NRXN3: variants seen among roughly 807,000 people sequenced by gnomAD.
NRXN3 encodes neurexin 3.
Under a neutral mutation model 137.6 loss-of-function variants are expected in NRXN3, and 32 were observed. The ratio of observed to expected loss-of-function variants is 0.23; its 90% CI spans 0.18 to 0.31. The LOEUF is 0.31. NRXN3 is among the 10% of genes least tolerant of loss of function. NRXN3 has a pLI of 1.00. For missense variants in NRXN3, 1,574 were observed against 2,062.5 expected (o/e 0.76, Z 4.59); for synonymous variants, 798 against 784.5 (o/e 1.02, Z -0.29).
intron 6 of NRXN3, among the ~76,000 whole-genome samples, chr14:78,663,359 A>T (rs1402111519): frequency 6.6e-6 from 1 of 152,214 alleles, no homozygotes; most frequent in Non-Finnish European, 1.5e-5. Flanking sequence ...AGATACAATT[A>T]CCTATTTCTT....
chr14:78,335,401 TA>T (rs2081343560), intron 4 of NRXN3, among the ~76,000 whole-genome samples: 1 of 152,194 alleles, frequency 6.6e-6, no homozygotes, highest in Admixed American at 6.5e-5. Flanking sequence ...TTTCTCAAGG[TA>T]GATTGTAAAA....
intron 4 of NRXN3, among the ~76,000 whole-genome samples, chr14:78,315,610 G>A (rs1222560911): frequency 6.6e-6 from 1 of 152,174 alleles, no homozygotes; most frequent in Admixed American, 6.5e-5. Flanking sequence ...GATTTTTGTT[G>A]TAGTTCTTGT....
intron 1 of NRXN3, among the ~76,000 whole-genome samples, chr14:78,218,656 T>C (rs1259079664): frequency 6.6e-6 from 1 of 152,254 alleles, no homozygotes; most frequent in African/African-American, 2.4e-5. Flanking sequence ...TTCTAATTCA[T>C]AGCATCTGTA....
intron 6 of NRXN3, among the ~76,000 whole-genome samples, chr14:78,696,721 AG>A (rs1407728552): frequency 2.6e-5 from 4 of 152,086 alleles, no homozygotes; most frequent in Non-Finnish European, 5.9e-5. Flanking sequence ...AATTATTAAT[AG>A]TGCCTCCTTC....
Position 79,235,001 on chromosome 14 carries a change from A to C in NRXN3, c.3263-232220A>C, listed in dbSNP as rs138548098. Among the ~76,000 whole-genome samples the C allele has an allele frequency of 5.4e-3, 829 of 152,262 alleles. 6 individuals are homozygous for C. Among genetic ancestry groups the C allele is most frequent in the African/African-American group, 0.019 (790 of 41,540 alleles). The stretch of plus-strand genomic sequence containing the variant: ...GTGAGTTTCTCAAGTGTCTTAAAAT[A>C]CTATTTTAAATAATTTTTAAAACAT... On this transcript the variant is annotated intron_variant, in intron 15 of 20. Coordinates refer to ENST00000335750, the MANE Select transcript of NRXN3 (RefSeq NM_001330195.2).
At chr14:79,162,301 C>T (rs2060864408) in intron 15 of NRXN3, among the ~76,000 whole-genome samples, 1 of 130,490 alleles carries the variant, frequency 7.7e-6, no homozygotes, top group Admixed American at 8.4e-5. Flanking sequence ...CCTCCCCTCA[C>T]CCCACAACAG....
At chr14:79,734,077 G>A (rs549590479) in intron 19 of NRXN3, among the ~76,000 whole-genome samples, 1 of 152,270 alleles carries the variant, frequency 6.6e-6, no homozygotes, top group South Asian at 2.1e-4. Flanking sequence ...TTCCACTAGA[G>A]ACAGAAAAAC....
At chr14:79,529,337 G>A (rs568018805) in intron 16 of NRXN3, among the ~76,000 whole-genome samples, 145 of 152,318 alleles carry the variant, frequency 9.5e-4, no homozygotes, top group Non-Finnish European at 1.7e-3. Context: ...GAGTAACATC[G>A]GTTTCTAAGT....
intron 4 of NRXN3, among the ~76,000 whole-genome samples, chr14:78,564,511 A>G (rs1300609306): frequency 6.6e-6 from 1 of 152,194 alleles, no homozygotes. Context: ...ACCAGGCACC[A>G]CTGCTTACTC....
At chr14:78,359,863 C>T (rs1382994706) in intron 4 of NRXN3, among the ~76,000 whole-genome samples, 1 of 152,150 alleles carries the variant, frequency 6.6e-6, no homozygotes, top group Non-Finnish European at 1.5e-5. Flanking sequence ...GGTGGACTCG[C>T]TGTGGTTGCC....
At chr14:78,856,617 A>C (rs1020176942) in intron 10 of NRXN3, among the ~76,000 whole-genome samples, 33 of 152,334 alleles carry the variant, frequency 2.2e-4, no homozygotes, top group Non-Finnish European at 1.9e-4. Flanking sequence ...AAATTAAAAA[A>C]AAGCTAATGT....
chr14:79,108,820 G>A (rs1315784936), intron 15 of NRXN3, among the ~76,000 whole-genome samples: 1 of 152,152 alleles, frequency 6.6e-6, no homozygotes, highest in Non-Finnish European at 1.5e-5. Flanking sequence ...GCACAGTAGA[G>A]GGAGGAGAAA....
chr14:79,683,273 A>G (rs2098679638), intron 17 of NRXN3, among the ~76,000 whole-genome samples: 1 of 152,190 alleles, frequency 6.6e-6, no homozygotes, highest in African/African-American at 2.4e-5. Flanking sequence ...AAAAATTGGC[A>G]CACATTTAGC....
At chr14:79,636,138 T>C (rs2098401834) in intron 16 of NRXN3, among the ~76,000 whole-genome samples, 1 of 152,214 alleles carries the variant, frequency 6.6e-6, no homozygotes, top group African/African-American at 2.4e-5. Context: ...CTAATGACAT[T>C]ATATTCGTTT....
intron 4 of NRXN3, among the ~76,000 whole-genome samples, chr14:78,518,862 G>T (rs947774259): frequency 6.6e-6 from 1 of 152,052 alleles, no homozygotes; most frequent in Admixed American, 6.5e-5. Flanking sequence ...TGAAGATAAG[G>T]CCTGTGATGG....
intron 16 of NRXN3, among the ~76,000 whole-genome samples, chr14:79,546,587 G>A (rs565551120): frequency 8.0e-4 from 122 of 152,220 alleles, no homozygotes; most frequent in Non-Finnish European, 1.5e-3. Flanking sequence ...CCCTTTTGGC[G>A]GGTAGTAGAG....
Position 78,257,183 on chromosome 14 carries a change from C to T in NRXN3, c.709+13381C>T, listed in dbSNP as rs117668040. 4.7e-3 allele frequency among the ~76,000 whole-genome samples: 722 copies of T among 152,330 alleles called. 5 individuals carry two copies. The highest frequency in any genetic ancestry group is 7.3e-3 in the Non-Finnish European group (495 of 68,044). On this transcript the variant is annotated intron_variant, in intron 2 of 20. Coordinates refer to ENST00000335750, the MANE Select transcript of NRXN3 (RefSeq NM_001330195.2). ...GTATGAACATTTGTTGGGGCAACTT[C>T]GTTTTGTGTAAGAGAGCAAAGTCTC...
intron 19 of NRXN3, among the ~76,000 whole-genome samples, chr14:79,713,817 C>G (rs1037031059): frequency 6.6e-6 from 1 of 150,918 alleles, no homozygotes; most frequent in Non-Finnish European, 1.5e-5. Context: ...ATGTATAAAC[C>G]CTTTGAATTT....
At chr14:79,285,500 G>A (rs1178070653) in intron 15 of NRXN3, among the ~76,000 whole-genome samples, 1 of 152,142 alleles carries the variant, frequency 6.6e-6, no homozygotes, top group African/African-American at 2.4e-5. Flanking sequence ...GTTTGCTCAA[G>A]GCTCTGTAGA....
Sources: allele counts gnomAD v4.1 joint callset (sites outside exome capture counted in the v4.1 genomes callset), GRCh38; gene constraint gnomAD v4.1.1; transcripts MANE v1.5; gene names NCBI Gene and HGNC (gene_info 2026-07-23, HGNC 2026-07-21).